SEMA3E: variants seen among roughly 807,000 people sequenced by gnomAD.
SEMA3E encodes the protein semaphorin 3E, also known as semaphorin-3E.
SEMA3E carries 49 observed loss-of-function variants against 93.6 expected under a neutral mutation model. That is an observed-to-expected ratio of 0.52 (90% confidence interval 0.42 to 0.66). The LOEUF (loss-of-function observed/expected upper bound fraction) is 0.66, where lower values mean the gene tolerates loss of function less well. Ranked by LOEUF, SEMA3E falls within the 30% of genes least tolerant of loss-of-function variation. SEMA3E has a pLI of 0.00. For missense variants in SEMA3E, 906 were observed against 964.8 expected (o/e 0.94, Z 0.81); for synonymous variants, 363 against 330.7 (o/e 1.10, Z -1.06).
chr7:83,397,513 C>A (rs1287702386), intron 11 of SEMA3E, among the ~76,000 whole-genome samples: 2 of 151,872 alleles, frequency 1.3e-5, no homozygotes, highest in Admixed American at 6.6e-5. Flanking sequence ...ACAGTTTTGG[C>A]AAGAAAAAAA....
chr7:83,488,458 A>G (rs889944464), intron 2 of SEMA3E, among the ~76,000 whole-genome samples: 1 of 152,150 alleles, frequency 6.6e-6, no homozygotes, highest in Admixed American at 6.6e-5. Context: ...TTGAAATTAG[A>G]AAGAATCAGA....
At chr7:83,615,322 G>A (rs551532037) in intron 1 of SEMA3E, among the ~76,000 whole-genome samples, 212 of 152,160 alleles carry the variant, frequency 1.4e-3, no homozygotes, top group African/African-American at 4.8e-3. Context: ...TACAGGTGAC[G>A]TTCAATTCAT....
Position 83,440,304 on chromosome 7 carries a change from G to A in SEMA3E, c.457-21821C>T, listed in dbSNP as rs1036241626. 9.9e-5 allele frequency among the ~76,000 whole-genome samples: 15 copies of A among 152,072 alleles called. 1 individual carries two copies. Among genetic ancestry groups the A allele is most frequent in the Admixed American group, 9.2e-4 (14 of 15,274 alleles). ...ACATAGGAGCCTATTTCTTGTCCTGGAGGTGGTAGGGTGGTCTGGTTTGGG... is the reference window on the plus strand; with the variant it reads ...ACATAGGAGCCTATTTCTTGTCCTGAAGGTGGTAGGGTGGTCTGGTTTGGG... On this transcript the variant is annotated intron_variant, in intron 4 of 16. Coordinates refer to ENST00000643230, the MANE Select transcript of SEMA3E (RefSeq NM_012431.3).
intron 1 of SEMA3E, among the ~76,000 whole-genome samples, chr7:83,592,463 T>A (rs1403117051): frequency 1.1e-4 from 1 of 8,950 alleles, no homozygotes; most frequent in Non-Finnish European, 1.9e-4. Context: ...AAGTTTAAAT[T>A]GTTTTTCCAC....
intron 1 of SEMA3E, among the ~76,000 whole-genome samples, chr7:83,512,529 T>C (rs1790846045): frequency 6.6e-6 from 1 of 152,176 alleles, no homozygotes; most frequent in Non-Finnish European, 1.5e-5. Context: ...TACGTTTTGT[T>C]CTGATGCTCT....
chr7:83,569,713 C>A (rs545040660), intron 1 of SEMA3E, among the ~76,000 whole-genome samples: 2 of 152,132 alleles, frequency 1.3e-5, no homozygotes, highest in Non-Finnish European at 1.5e-5. Context: ...CACCCACGAT[C>A]GGAGCACTGA....
rs764096552 is a variant in SEMA3E, at chr7:83,392,547, C to T, written c.1667+8G>A. 6.8e-6 allele frequency: 11 copies of T among 1,612,608 alleles called. No individual in the cohort carries two copies. The highest frequency in any genetic ancestry group is 1.6e-4 in the Middle Eastern group (1 of 6,078). On this transcript the variant is annotated splice_region_variant and intron_variant, in intron 14 of 16. Coordinates refer to ENST00000643230, the MANE Select transcript of SEMA3E (RefSeq NM_012431.3). ...AAGGGAAATAGTTAATCAGGTAGCA[C>T]GTCTCACCTTTTTGCATGTGTGCCT... is the stretch of plus-strand genomic sequence containing the variant.
intron 4 of SEMA3E, among the ~76,000 whole-genome samples, chr7:83,458,826 C>A (rs868705290): frequency 6.8e-6 from 1 of 148,016 alleles, no homozygotes; most frequent in African/African-American, 2.5e-5. Flanking sequence ...GCCTAGAAGT[C>A]TAATAAATAT....
chr7:83,612,182 TTTTACTTA>T (rs1255364972), intron 1 of SEMA3E, among the ~76,000 whole-genome samples: 2 of 152,146 alleles, frequency 1.3e-5, no homozygotes, highest in Non-Finnish European at 2.9e-5. Context: ...TCTTAATCTG[TTTTACTTA>T]TTATTTATTT....
intron 3 of SEMA3E, among the ~76,000 whole-genome samples, chr7:83,468,359 A>T: frequency 6.6e-6 from 1 of 152,166 alleles, no homozygotes; most frequent in East Asian, 1.9e-4. Flanking sequence ...ACACCGTCAC[A>T]TCTGAGAGGG....
At chr7:83,567,105 G>A (rs1792177903) in intron 1 of SEMA3E, among the ~76,000 whole-genome samples, 1 of 151,978 alleles carries the variant, frequency 6.6e-6, no homozygotes. Context: ...AGCAAACAAG[G>A]GTAGCTTTGC....
At chr7:83,639,563 G>T (rs923769305) in intron 1 of SEMA3E, among the ~76,000 whole-genome samples, 5 of 151,350 alleles carry the variant, frequency 3.3e-5, no homozygotes, top group Non-Finnish European at 7.4e-5. Flanking sequence ...ATTACTCCTT[G>T]CCCTGAAGGA....
At chr7:83,421,112 A>G (rs574935607) in intron 4 of SEMA3E, among the ~76,000 whole-genome samples, 26 of 142,620 alleles carry the variant, frequency 1.8e-4, no homozygotes, top group African/African-American at 6.2e-4. Context: ...TTAACTCAAA[A>G]AGTATTACTG....
Position 83,389,881 on chromosome 7 carries a change from T to C in SEMA3E, c.1667+2674A>G, listed in dbSNP as rs867598176. Among the ~76,000 whole-genome samples, 328 of 106,328 alleles carry C rather than the reference T, an allele frequency of 3.1e-3. 8 individuals are homozygous for C. The highest frequency in any genetic ancestry group is 0.013 in the Middle Eastern group (1 of 78). The allele number at this position is 106,328 out of a possible 152,430, so 69.8% of individuals were successfully genotyped here. A position where few individuals can be genotyped will look rare whatever the true frequency, so the allele number is the denominator to read the frequency against. On this transcript the variant is annotated intron_variant, in intron 14 of 16. Coordinates refer to ENST00000643230, the MANE Select transcript of SEMA3E (RefSeq NM_012431.3). ...CACGTATATATTACATGTATACATA[T>C]ATACACGTATATATTACATGTATAC... is the stretch of plus-strand genomic sequence containing the variant.
At chr7:83,499,786 T>C (rs1790560978) in intron 1 of SEMA3E, among the ~76,000 whole-genome samples, 1 of 152,212 alleles carries the variant, frequency 6.6e-6, no homozygotes, top group African/African-American at 2.4e-5. Context: ...AATTTAACAA[T>C]TAACAGCTTA....
intron 1 of SEMA3E, among the ~76,000 whole-genome samples, chr7:83,604,865 A>T (rs758560476): frequency 2.8e-4 from 42 of 152,040 alleles, no homozygotes; most frequent in Non-Finnish European, 5.1e-4. Flanking sequence ...ACTCCCACTT[A>T]TGAGTGAGAA....
chr7:83,592,101 T>G (rs151160257), intron 1 of SEMA3E, among the ~76,000 whole-genome samples: 199 of 152,196 alleles, frequency 1.3e-3, no homozygotes, highest in Middle Eastern at 6.8e-3. Flanking sequence ...ATTTTAACAG[T>G]TTATGGAGAG....
chr7:83,556,218 G>T (rs1418374981), intron 1 of SEMA3E, among the ~76,000 whole-genome samples: 1 of 151,956 alleles, frequency 6.6e-6, no homozygotes, highest in Non-Finnish European at 1.5e-5. Flanking sequence ...ACTTACCTTC[G>T]CTTTTTGAGA....
intron 6 of SEMA3E, 45 bp from the exon 7 acceptor site, chr7:83,407,284 A>G (rs1040755979): frequency 2.0e-6 from 3 of 1,509,350 alleles, no homozygotes; most frequent in South Asian, 2.3e-5. Context: ...AGATATTACA[A>G]CTAAATGCTA....
Sources: allele counts gnomAD v4.1 joint callset (sites outside exome capture counted in the v4.1 genomes callset), GRCh38; gene constraint gnomAD v4.1.1; transcripts MANE v1.5; gene names NCBI Gene and HGNC (gene_info 2026-07-23, HGNC 2026-07-21).